TLK2: variants seen among roughly 807,000 people sequenced by gnomAD.
TLK2 encodes the protein tousled like kinase 2, also known as serine/threonine-protein kinase tousled-like 2.
In TLK2, 6 loss-of-function variants were observed where a neutral mutation model predicts 117.3. That is an observed-to-expected ratio of 0.05 (90% CI 0.03 to 0.10). The LOEUF (loss-of-function observed/expected upper bound fraction) is 0.10, where lower values mean the gene tolerates loss of function less well. Ranked by LOEUF, TLK2 falls within the 10% of genes least tolerant of loss-of-function variation. The probability of loss-of-function intolerance (pLI) is 1.00; values close to 1 mark genes in which losing one functional copy is unlikely to be tolerated. For synonymous variants in TLK2, 257 were observed against 316.7 expected (o/e 0.81, Z 2.00); for missense variants, 299 against 901.2 (o/e 0.33, Z 8.56).
intron 10 of TLK2, among the ~76,000 whole-genome samples, chr17:62,560,522 A>G (rs2079179267): frequency 7.2e-6 from 1 of 138,396 alleles, no homozygotes; most frequent in Admixed American, 7.5e-5. Flanking sequence ...TAATAATGTG[A>G]TAATTAATGC....
At chr17:62,506,551 T>C (rs1044315182) in intron 2 of TLK2, among the ~76,000 whole-genome samples, 5 of 152,188 alleles carry the variant, frequency 3.3e-5, no homozygotes, top group Non-Finnish European at 4.4e-5. Context: ...TAATAGTCTG[T>C]TCACAACAGA....
At chr17:62,537,429 T>C (rs1173734903) in intron 7 of TLK2, among the ~76,000 whole-genome samples, 1 of 152,254 alleles carries the variant, frequency 6.6e-6, no homozygotes, top group African/African-American at 2.4e-5. Flanking sequence ...CACTGTGAGC[T>C]GACGCCACTG....
At chr17:62,489,527 CT>C (rs1025795912) in intron 2 of TLK2, among the ~76,000 whole-genome samples, 3 of 151,988 alleles carry the variant, frequency 2.0e-5, no homozygotes, top group African/African-American at 7.2e-5. Context: ...TTCTAGAGCT[CT>C]TTTAGGTTTA....
chr17:62,479,491 A>AGGCGGCCCC (rs1209782730), intron 1 of TLK2, among the ~76,000 whole-genome samples: 1 of 151,690 alleles, frequency 6.6e-6, no homozygotes, highest in Non-Finnish European at 1.5e-5. Context: ...GGGGAGGCCC[A>AGGCGGCCCC]GGCGGCCCCG....
chr17:62,559,502 C>G (rs2079101722), intron 9 of TLK2, among the ~76,000 whole-genome samples: 1 of 151,884 alleles, frequency 6.6e-6, no homozygotes, highest in East Asian at 1.9e-4. Flanking sequence ...CTCAGCCTCC[C>G]GAGTAGCTGG....
intron 19 of TLK2, among the ~76,000 whole-genome samples, chr17:62,603,946 T>C (rs1418662894): frequency 6.6e-5 from 10 of 152,082 alleles, no homozygotes; most frequent in Middle Eastern, 3.4e-3. Context: ...ATTTACTGGT[T>C]ACAGAATTCT....
At chr17:62,539,806 T>C (rs1160339164) in intron 7 of TLK2, among the ~76,000 whole-genome samples, 1 of 152,140 alleles carries the variant, frequency 6.6e-6, no homozygotes, top group Non-Finnish European at 1.5e-5. Flanking sequence ...CCCAGCCTTC[T>C]TAATCTCATC....
intron 8 of TLK2, among the ~76,000 whole-genome samples, chr17:62,552,678 T>C (rs945306786): frequency 8.6e-5 from 13 of 150,334 alleles, no homozygotes; most frequent in Non-Finnish European, 1.6e-4. Context: ...TTTTTTTTTT[T>C]CCCTACAGTA....
chr17:62,545,881 G>A (rs1271423940), intron 7 of TLK2, among the ~76,000 whole-genome samples: 3 of 150,960 alleles, frequency 2.0e-5, no homozygotes, highest in Admixed American at 6.6e-5. Flanking sequence ...TTTTTTGTTT[G>A]TTTGTTTGTT....
intron 21 of TLK2, chr17:62,611,850 A>G (rs1354764267): frequency 6.6e-6 from 1 of 152,294 alleles, no homozygotes; most frequent in Non-Finnish European, 1.5e-5. Context: ...TTGGGTCTAC[A>G]GTATTATTGC....
chr17:62,567,177 T>C (rs1352821713), intron 11 of TLK2, among the ~76,000 whole-genome samples: 1 of 152,204 alleles, frequency 6.6e-6, no homozygotes, highest in Middle Eastern at 3.4e-3. Flanking sequence ...AGTCATGCAG[T>C]GAGCCGAGAA....
intron 1 of TLK2, among the ~76,000 whole-genome samples, 193 bp from the exon 2 acceptor site, chr17:62,480,928 C>T (rs1227796533): frequency 2.0e-5 from 3 of 152,196 alleles, no homozygotes; most frequent in Non-Finnish European, 4.4e-5. Flanking sequence ...GACTTCTGAG[C>T]TGCTTTAAAA....
At chr17:62,559,405 G>A (rs1205367276) in intron 9 of TLK2, among the ~76,000 whole-genome samples, 1 of 147,750 alleles carries the variant, frequency 6.8e-6, no homozygotes, top group Non-Finnish European at 1.5e-5. Flanking sequence ...TTGAGATGAA[G>A]TCTTACTCTG....
intron 1 of TLK2, among the ~76,000 whole-genome samples, chr17:62,472,961 C>T (rs569421115): frequency 1.2e-4 from 18 of 152,260 alleles, no homozygotes; most frequent in Admixed American, 1.0e-3. Flanking sequence ...GGATTTAAGA[C>T]CCCAAATTCA....
intron 21 of TLK2, 133 bp from the exon 22 acceptor site, chr17:62,612,259 T>C (rs2083852587): frequency 4.4e-6 from 4 of 910,476 alleles, no homozygotes; most frequent in Non-Finnish European, 6.5e-6. Flanking sequence ...TGGTGATTTC[T>C]GAGGAAGGCC....
At chr17:62,536,148 G>A in intron 6 of TLK2, 22 bp from the exon 7 acceptor site, 2 of 1,604,966 alleles carry the variant, frequency 1.2e-6, no homozygotes, top group African/African-American at 2.7e-5. Flanking sequence ...TGTCATTTGT[G>A]TGTTTCTTTA....
At chr17:62,527,395 C>T (rs1293021522) in intron 6 of TLK2, among the ~76,000 whole-genome samples, 1 of 152,112 alleles carries the variant, frequency 6.6e-6, no homozygotes, top group Non-Finnish European at 1.5e-5. Context: ...CTACAGTTCG[C>T]ATGAATTTTC....
upstream of TLK2, chr17:62,470,931 G>A (rs566739040): frequency 4.5e-4 from 68 of 152,554 alleles, no homozygotes; most frequent in Middle Eastern, 3.4e-3. Flanking sequence ...GGGGAGAGAG[G>A]GAAGGAAGGG....
chr17:62,561,040 A>G (rs893667660), intron 10 of TLK2, among the ~76,000 whole-genome samples: 9 of 151,888 alleles, frequency 5.9e-5, no homozygotes, highest in Non-Finnish European at 1.3e-4. Flanking sequence ...ATGTGTTCTC[A>G]TTGTTCAATT....
Sources: gnomAD v4.1 joint callset for allele counts (sites outside exome capture counted in the v4.1 genomes callset) on GRCh38, gnomAD v4.1.1 for gene constraint, MANE v1.5 for transcripts, NCBI Gene and HGNC (gene_info 2026-07-23, HGNC 2026-07-21) for gene names.